Variants in USP4 observed in about 807,000 individuals in gnomAD.
USP4 encodes ubiquitin specific peptidase 4, also known as ubiquitin carboxyl-terminal hydrolase 4.
In USP4, 72 loss-of-function variants were observed where a neutral mutation model predicts 118.2. The observed-to-expected ratio is 0.61, with a 90% CI of 0.50 to 0.74. The LOEUF is 0.74. USP4 is among the 30% of genes least tolerant of loss of function. USP4 has a pLI of 0.00. For synonymous variants in USP4, 415 were observed against 440.4 expected (o/e 0.94, Z 0.72); for missense variants, 1,037 against 1,185.7 (o/e 0.87, Z 1.84).
In USP4 at chr3:49,300,676, C is replaced by CT. The variant is rs757852565; in HGVS notation, c.1302dup (p.Ala435SerfsTer10). 11 of 1,614,108 alleles carry CT rather than the reference C, an allele frequency of 6.8e-6. No homozygotes were observed. In the South Asian group the frequency reaches 1.2e-4, roughly 18 times the overall value. ...TTCCTCAACCTGTGATTCTCCCAGGCTTCCTTTGCCACCACCTGCGTCAAA... is the reference window on the plus strand; with the variant it reads ...TTCCTCAACCTGTGATTCTCCCAGGCTTTCCTTTGCCACCACCTGCGTCAAA... On this transcript the variant is annotated frameshift_variant, in exon 11 of 22. Transcript: ENST00000265560. LOFTEE classifies it high-confidence loss of function.
intron 2 of USP4, among the ~76,000 whole-genome samples, chr3:49,332,462 A>G (rs1420326039): frequency 2.0e-5 from 3 of 151,810 alleles, no homozygotes; most frequent in African/African-American, 7.3e-5. Context: ...AAAAAAAAAA[A>G]AGGCTCTGAA....
At chr3:49,286,919 G>A (rs1009585191) in intron 15 of USP4, among the ~76,000 whole-genome samples, 3 of 151,672 alleles carry the variant, frequency 2.0e-5, no homozygotes, top group Admixed American at 6.6e-5. Flanking sequence ...GCACGATCTC[G>A]GCTCACTGCA....
At chr3:49,320,414 C>G (rs879906004) in intron 6 of USP4, among the ~76,000 whole-genome samples, 4 of 151,740 alleles carry the variant, frequency 2.6e-5, no homozygotes, top group Non-Finnish European at 5.9e-5. Context: ...TACACTCCAA[C>G]CTGGGCAACA....
intron 21 of USP4, 61 bp downstream of exon 21, chr3:49,278,753 G>T (rs1289114399): frequency 1.5e-6 from 2 of 1,292,802 alleles, no homozygotes; most frequent in East Asian, 2.3e-5. Flanking sequence ...CCTGATAGAG[G>T]CTCTTCCCAG....
chr3:49,299,142 C>G (rs562049295), intron 11 of USP4, among the ~76,000 whole-genome samples: 2 of 151,784 alleles, frequency 1.3e-5, no homozygotes, highest in African/African-American at 4.8e-5. Context: ...CAAGCTGGAG[C>G]GCAGTGACGC....
At chr3:49,312,214 T>A (rs1210905327) in intron 6 of USP4, 3 of 250,408 alleles carry the variant, frequency 1.2e-5, no homozygotes. Flanking sequence ...ATCCCAGCAC[T>A]TTGGGAGGCC....
intron 19 of USP4, 86 bp downstream of exon 19, chr3:49,283,901 T>C: frequency 6.4e-7 from 1 of 1,553,910 alleles, no homozygotes; most frequent in Non-Finnish European, 8.8e-7. Flanking sequence ...CAGAAAAGTT[T>C]TTGGTGGCAA....
At position 49,295,706 on chromosome 3, in the gene USP4, G is replaced by A. The variant is rs180698176; in HGVS notation, c.1692-1108C>T. 7.5e-3 allele frequency among the ~76,000 whole-genome samples: 1,047 copies of A among 139,682 alleles called. 10 individuals are homozygous for A. The highest frequency in any genetic ancestry group is 0.032 in the African/African-American group (992 of 31,080). The allele number at this position is 139,682 out of a possible 152,430, so 91.6% of individuals were successfully genotyped here. A position where few individuals can be genotyped will look rare whatever the true frequency, so the allele number is the denominator to read the frequency against. ...AAACTAAACATATGCACGTGTGCGC[G>A]CGCGCGCGCACACACACACACACAC... On this transcript the variant is annotated intron_variant, in intron 13 of 21. Transcript: ENST00000265560.
At chr3:49,305,667 C>A (rs765602219) in intron 9 of USP4, 48 bp downstream of exon 9, 6 of 1,427,018 alleles carry the variant, frequency 4.2e-6, no homozygotes. Context: ...TGGTCCCAGG[C>A]ATCTATATAC....
At chr3:49,324,016 T>G (rs1051948854) in intron 6 of USP4, among the ~76,000 whole-genome samples, 3 of 152,060 alleles carry the variant, frequency 2.0e-5, no homozygotes, top group Non-Finnish European at 2.9e-5. Flanking sequence ...TTGTTTTTTT[T>G]GGGTCAGAGT....
chr3:49,298,342 C>T (rs1225241841), intron 12 of USP4, among the ~76,000 whole-genome samples: 2 of 152,128 alleles, frequency 1.3e-5, no homozygotes, highest in Non-Finnish European at 2.9e-5. Flanking sequence ...AGTGTGAACC[C>T]AATGAAGGAA....
chr3:49,296,938 T>C (rs541117980), intron 13 of USP4, among the ~76,000 whole-genome samples: 1 of 152,328 alleles, frequency 6.6e-6, no homozygotes, highest in Admixed American at 6.5e-5. Flanking sequence ...CTTGGCACAG[T>C]GTCAGCTCTT....
chr3:49,292,417 C>T lies in USP4; in HGVS notation c.1972+93G>A, dbSNP rs567180700. The T allele has an allele frequency of 3.7e-6, 3 of 801,934 alleles. No homozygotes were observed. The South Asian group carries it at 7.1e-5, about 19-fold the overall frequency. 49.7% of individuals were successfully genotyped at this position (801,934 alleles called of 1,614,324 possible). On this transcript the variant is annotated intron_variant, in intron 15 of 21. Coordinates refer to ENST00000265560, the MANE Select transcript of USP4 (RefSeq NM_003363.4). ...AGGCAGAGCCCCAACCCAGTCCCAA[C>T]CCCCTTCTCCCATGTGTGTAACACC...
chr3:49,338,591 G>C (rs749827325), intron 1 of USP4, among the ~76,000 whole-genome samples: 3 of 151,222 alleles, frequency 2.0e-5, no homozygotes, highest in South Asian at 4.2e-4. Context: ...GAACATGGGA[G>C]GGGGAGGTTG....
At position 49,282,036 on chromosome 3, in the gene USP4, A is replaced by AAAC. The variant is rs559233820; in HGVS notation, c.2541-1192_2541-1190dup. The stretch of plus-strand genomic sequence containing the variant: ...AAAAAAAACAAAAACAAAACAAAAA[A>AAAC]AACAACAACAACAACAAAAGAAAAT... On this transcript the variant is annotated intron_variant, in intron 19 of 21. Transcript: ENST00000265560. 3.3e-3 allele frequency among the ~76,000 whole-genome samples: 507 copies of AAAC among 151,934 alleles called. 1 individual carries two copies. Among genetic ancestry groups the AAAC allele is most frequent in the Middle Eastern group, 3.4e-3 (1 of 294 alleles).
chr3:49,288,974 G>T (rs2047126473), intron 15 of USP4, among the ~76,000 whole-genome samples: 1 of 152,138 alleles, frequency 6.6e-6, no homozygotes, highest in South Asian at 2.1e-4. Flanking sequence ...GCTGGGCGTG[G>T]TGGCACACAT....
rs550606063 is a variant in USP4, at chr3:49,283,952, T to C, written c.2540+35A>G. On this transcript the variant is annotated intron_variant, in intron 19 of 21. Coordinates refer to ENST00000265560, the MANE Select transcript of USP4 (RefSeq NM_003363.4). ...AGTGCCAAGATTTTCTGCCTGTTTTTAAATGTTCCTAACACTGTAGTCACC... is the reference window on the plus strand; with the variant it reads ...AGTGCCAAGATTTTCTGCCTGTTTTCAAATGTTCCTAACACTGTAGTCACC... 3.1e-6 allele frequency: 5 copies of C among 1,605,240 alleles called. No homozygotes were observed. The African/African-American group carries it at 5.4e-5, about 17-fold the overall frequency.
chr3:49,304,104 A>T (rs1256141040), intron 9 of USP4, among the ~76,000 whole-genome samples: 1 of 152,182 alleles, frequency 6.6e-6, no homozygotes, highest in Non-Finnish European at 1.5e-5. Flanking sequence ...ACAGTCATTT[A>T]TATATTTCCC....
chr3:49,337,800 C>G (rs2047684960), intron 1 of USP4, among the ~76,000 whole-genome samples: 1 of 151,632 alleles, frequency 6.6e-6, no homozygotes, highest in South Asian at 2.1e-4. Flanking sequence ...GTAATCCCAG[C>G]ACTTTGGGAG....
Sources: allele counts gnomAD v4.1 joint callset (sites outside exome capture counted in the v4.1 genomes callset), GRCh38; gene constraint gnomAD v4.1.1; transcripts MANE v1.5; gene names NCBI Gene and HGNC (gene_info 2026-07-23, HGNC 2026-07-21).